The following CSMD1 variants were observed in gnomAD, a reference collection of about 807,000 sequenced individuals.
CSMD1 encodes CUB and sushi domain-containing protein 1.
CSMD1 carries 213 observed loss-of-function variants against 417.5 expected under a neutral mutation model. The ratio of observed to expected loss-of-function variants is 0.51; its 90% CI spans 0.46 to 0.57. The LOEUF (loss-of-function observed/expected upper bound fraction) is 0.57. Ranked by LOEUF, CSMD1 falls within the 20% of genes least tolerant of loss-of-function variation. CSMD1 has a pLI of 0.00. For missense variants in CSMD1, 6,923 were observed against 4,529.7 expected, an observed-to-expected ratio of 1.53 and a Z score of -15.17; for synonymous variants, 2,862 against 1,736.8, an observed-to-expected ratio of 1.65 and a Z score of -16.11.
chr8:2,971,694 A>C (rs1243418002), intron 57 of CSMD1, among the ~76,000 whole-genome samples: 1 of 152,206 alleles, frequency 6.6e-6, no homozygotes, highest in Non-Finnish European at 1.5e-5. Context: ...TTTAATACTG[A>C]AATATCTACA....
intron 51 of CSMD1, among the ~76,000 whole-genome samples, chr8:3,019,020 T>C (rs970494891): frequency 2.6e-5 from 4 of 152,148 alleles, no homozygotes; most frequent in African/African-American, 9.7e-5. Flanking sequence ...CCGGTTCAAG[T>C]GATTCTCCTC....
At chr8:2,982,775 A>G (rs890484884) in intron 54 of CSMD1, among the ~76,000 whole-genome samples, 11 of 152,188 alleles carry the variant, frequency 7.2e-5, no homozygotes, top group African/African-American at 2.7e-4. Context: ...ACCCAAAGCA[A>G]TGGCAGTGTT....
At chr8:3,762,717 A>G (rs192061281) in intron 5 of CSMD1, among the ~76,000 whole-genome samples, 3 of 152,298 alleles carry the variant, frequency 2.0e-5, no homozygotes, top group Admixed American at 1.3e-4. Flanking sequence ...GTCTGCAAAG[A>G]TGGTCGGGGG....
At chr8:3,551,977 G>A (rs750811645) in intron 10 of CSMD1, among the ~76,000 whole-genome samples, 3 of 152,122 alleles carry the variant, frequency 2.0e-5, no homozygotes, top group African/African-American at 4.8e-5. Context: ...AGGACTGATA[G>A]GGATCTCACA....
intron 1 of CSMD1, among the ~76,000 whole-genome samples, chr8:4,974,666 A>C (rs185774967): frequency 3.7e-4 from 57 of 152,316 alleles, no homozygotes; most frequent in Admixed American, 2.6e-4. Context: ...TGTACAAATA[A>C]TGGTTAGACT....
At chr8:4,213,123 C>T (rs1800422817) in intron 3 of CSMD1, among the ~76,000 whole-genome samples, 1 of 152,058 alleles carries the variant, frequency 6.6e-6, no homozygotes, top group Non-Finnish European at 1.5e-5. Flanking sequence ...TGCTTAGACT[C>T]AAAGACAACA....
chr8:3,266,663 T>G (rs947368455), intron 26 of CSMD1, among the ~76,000 whole-genome samples: 40 of 139,224 alleles, frequency 2.9e-4, no homozygotes, highest in African/African-American at 1.0e-3. Context: ...TAATCCCAGC[T>G]ACTCAGGAGG....
chr8:4,053,187 T>G (rs1429086209), intron 3 of CSMD1, among the ~76,000 whole-genome samples: 1 of 152,194 alleles, frequency 6.6e-6, no homozygotes, highest in Non-Finnish European at 1.5e-5. Flanking sequence ...ATTTGAAGCC[T>G]GAAAATATAA....
At chr8:4,147,694 C>T (rs182566208) in intron 3 of CSMD1, among the ~76,000 whole-genome samples, 3 of 152,236 alleles carry the variant, frequency 2.0e-5, no homozygotes, top group Non-Finnish European at 2.9e-5. Context: ...TATCTGACAT[C>T]ACCATGGTCA....
chr8:4,978,015 G>A (rs947712647), intron 1 of CSMD1, among the ~76,000 whole-genome samples: 3 of 152,156 alleles, frequency 2.0e-5, no homozygotes, highest in Admixed American at 6.5e-5. Context: ...GGCCACAATC[G>A]ATGTGAGAGA....
intron 2 of CSMD1, among the ~76,000 whole-genome samples, chr8:4,625,337 G>A (rs1176911546): frequency 6.6e-6 from 1 of 152,070 alleles, no homozygotes; most frequent in Non-Finnish European, 1.5e-5. Context: ...TCAATAGAGG[G>A]TCAAGTTTCA....
At chr8:3,618,854 T>G (rs1391531319) in intron 7 of CSMD1, among the ~76,000 whole-genome samples, 2 of 152,200 alleles carry the variant, frequency 1.3e-5, no homozygotes, top group South Asian at 2.1e-4. Context: ...AGCGGCCCAG[T>G]GACCAGTTTC....
At chr8:3,841,140 A>C (rs528595067) in intron 5 of CSMD1, among the ~76,000 whole-genome samples, 1 of 152,240 alleles carries the variant, frequency 6.6e-6, no homozygotes, top group Admixed American at 6.5e-5. Flanking sequence ...CCCCCTCATG[A>C]GGGTACTCAT....
At chr8:3,309,657 GTCTCTTTCCT>G (rs1453104564) in intron 23 of CSMD1, among the ~76,000 whole-genome samples, 5 of 152,114 alleles carry the variant, frequency 3.3e-5, no homozygotes, top group Non-Finnish European at 5.9e-5. Context: ...GGACCACATG[GTCTCTTTCCT>G]TCTATTTCCA....
chr8:3,461,364 T>C (rs942974232), intron 12 of CSMD1, among the ~76,000 whole-genome samples: 3 of 152,198 alleles, frequency 2.0e-5, no homozygotes, highest in Admixed American at 6.5e-5. Context: ...GGGAAGGATG[T>C]GCTGCTGTCC....
intron 10 of CSMD1, among the ~76,000 whole-genome samples, chr8:3,556,837 T>A (rs78782200): frequency 6.6e-6 from 1 of 151,618 alleles, no homozygotes; most frequent in Admixed American, 6.6e-5. Context: ...TTCACTGCCA[T>A]AGGGCTTACC....
intron 3 of CSMD1, among the ~76,000 whole-genome samples, chr8:4,085,364 G>C (rs1800364180): frequency 6.6e-6 from 1 of 152,044 alleles, no homozygotes; most frequent in South Asian, 2.1e-4. Context: ...TCAAAGAAAA[G>C]GAAAAAGAAG....
chr8:3,964,843 G>C (rs779974579), intron 5 of CSMD1, among the ~76,000 whole-genome samples: 1 of 152,152 alleles, frequency 6.6e-6, no homozygotes, highest in African/African-American at 2.4e-5. Flanking sequence ...TATTCACTTA[G>C]TGGGGTTTCC....
intron 3 of CSMD1, among the ~76,000 whole-genome samples, chr8:4,093,466 T>C (rs1800825161): frequency 6.6e-6 from 1 of 152,188 alleles, no homozygotes; most frequent in African/African-American, 2.4e-5. Context: ...TGAATTAAGA[T>C]ATTAAATAGA....
Sources: gnomAD v4.1 joint callset for allele counts (sites outside exome capture counted in the v4.1 genomes callset) on GRCh38, gnomAD v4.1.1 for gene constraint, MANE v1.5 for transcripts, NCBI Gene and HGNC (gene_info 2026-07-23, HGNC 2026-07-21) for gene names.